EYS: variants seen among roughly 807,000 people sequenced by gnomAD.
EYS encodes EGF-like photoreceptor maintenance factor.
In EYS, 250 loss-of-function variants were observed where a neutral mutation model predicts 282.1. That is an observed-to-expected ratio of 0.89 (90% CI 0.80 to 0.98). The LOEUF (loss-of-function observed/expected upper bound fraction) is 0.98, where lower values mean the gene tolerates loss of function less well. Among genes scored for constraint, EYS ranks in the 50% least tolerant of loss-of-function variants. EYS has a pLI of 0.00. For missense variants in EYS, 4,016 were observed against 3,709.0 expected, an observed-to-expected ratio of 1.08 and a Z score of -2.15; for synonymous variants, 1,355 against 1,282.9, an observed-to-expected ratio of 1.06 and a Z score of -1.20.
rs146432779 is a variant in EYS, at chr6:64,272,304, G to T, written c.6191+34666C>A. Among the ~76,000 whole-genome samples, 33 of 152,232 alleles carry T rather than the reference G, an allele frequency of 2.2e-4. No individual in the cohort carries two copies. The East Asian group carries it at 6.0e-3, about 28-fold the overall frequency. On this transcript the variant is annotated intron_variant, in intron 30 of 42. Coordinates refer to ENST00000503581, the MANE Select transcript of EYS (RefSeq NM_001142800.2). ...AGGTTATTTTGTTATGTGTGAATTT[G>T]GTCCTGTCATTATGATGCTAGCTGG...
intron 32 of EYS, among the ~76,000 whole-genome samples, chr6:64,077,352 T>C (rs1771809042): frequency 6.6e-6 from 1 of 152,014 alleles, no homozygotes; most frequent in Admixed American, 6.6e-5. Flanking sequence ...CTAATGAAGA[T>C]GTTATATATT....
chr6:63,729,526 T>C (rs2149634007), intron 41 of EYS, among the ~76,000 whole-genome samples: 1 of 152,046 alleles, frequency 6.6e-6, no homozygotes, highest in South Asian at 2.1e-4. Flanking sequence ...TAGATTCTTT[T>C]TTTTTTTTCT....
At chr6:65,687,750 C>A (rs2149842145) in intron 1 of EYS, among the ~76,000 whole-genome samples, 1 of 152,256 alleles carries the variant, frequency 6.6e-6, no homozygotes, top group East Asian at 1.9e-4. Flanking sequence ...GATACAAAAT[C>A]AATGTGCAAA....
intron 5 of EYS, among the ~76,000 whole-genome samples, chr6:65,480,414 C>T (rs1159297328): frequency 1.3e-5 from 2 of 151,984 alleles, no homozygotes; most frequent in African/African-American, 4.8e-5. Flanking sequence ...ATTTCATTGA[C>T]ATTTTCATGA....
intron 29 of EYS, among the ~76,000 whole-genome samples, chr6:64,358,941 T>C (rs374448003): frequency 2.3e-4 from 35 of 151,654 alleles, no homozygotes; most frequent in African/African-American, 8.2e-4. Flanking sequence ...TATGCATGGG[T>C]TTCCCTTTCA....
intron 12 of EYS, among the ~76,000 whole-genome samples, chr6:65,230,024 T>C (rs494707): frequency 6.6e-6 from 1 of 151,606 alleles, no homozygotes; most frequent in Non-Finnish European, 1.5e-5. Context: ...AAGAAAACAA[T>C]GGCTGACAGA....
intron 31 of EYS, among the ~76,000 whole-genome samples, chr6:64,120,029 G>GT (rs150013542): frequency 0.048 from 7,334 of 152,018 alleles, 231 homozygotes; most frequent in Non-Finnish European, 0.071. Flanking sequence ...ATATTATTGT[G>GT]TTTTTTTAAG....
At chr6:65,464,293 CA>C (rs1415815492) in intron 5 of EYS, among the ~76,000 whole-genome samples, 1 of 152,072 alleles carries the variant, frequency 6.6e-6, no homozygotes, top group African/African-American at 2.4e-5. Flanking sequence ...TATACAACTA[CA>C]GGGGGTAGAT....
At chr6:64,018,859 CT>C in intron 33 of EYS, among the ~76,000 whole-genome samples, 1 of 145,384 alleles carries the variant, frequency 6.9e-6, no homozygotes, top group South Asian at 2.3e-4. Context: ...ACTGCAACCT[CT>C]GCTTCCTGGG....
chr6:64,792,086 A>G (rs1468043357), intron 22 of EYS, among the ~76,000 whole-genome samples: 1 of 151,806 alleles, frequency 6.6e-6, no homozygotes, highest in Non-Finnish European at 1.5e-5. Context: ...CCTTATAATG[A>G]CTGACTCAAT....
chr6:64,285,597 C>T (rs1768470437), intron 30 of EYS, among the ~76,000 whole-genome samples: 1 of 152,122 alleles, frequency 6.6e-6, no homozygotes, highest in African/African-American at 2.4e-5. Context: ...CAGCAGCACC[C>T]TACTCTACTG....
chr6:64,034,650 G>A (rs1441275127), intron 33 of EYS, among the ~76,000 whole-genome samples: 2 of 152,128 alleles, frequency 1.3e-5, no homozygotes, highest in African/African-American at 4.8e-5. Flanking sequence ...TGAAGCTTCC[G>A]AGGTGATTCC....
At chr6:65,300,424 T>A (rs181707157) in intron 11 of EYS, among the ~76,000 whole-genome samples, 66 of 152,200 alleles carry the variant, frequency 4.3e-4, no homozygotes, top group African/African-American at 1.5e-3. Flanking sequence ...GAAAACTATT[T>A]TTTTCTACCT....
At chr6:64,756,512 T>G (rs1367935339) in intron 22 of EYS, among the ~76,000 whole-genome samples, 4 of 152,198 alleles carry the variant, frequency 2.6e-5, no homozygotes, top group African/African-American at 9.6e-5. Context: ...ATTTAAGGTG[T>G]GCTGATTTAT....
At chr6:64,170,450 C>T (rs1240628790) in intron 31 of EYS, among the ~76,000 whole-genome samples, 1 of 152,100 alleles carries the variant, frequency 6.6e-6, no homozygotes. Flanking sequence ...CAAGGCCATA[C>T]CCCTTCTGAA....
At chr6:64,115,102 C>T (rs1773333266) in intron 31 of EYS, among the ~76,000 whole-genome samples, 1 of 152,196 alleles carries the variant, frequency 6.6e-6, no homozygotes, top group South Asian at 2.1e-4. Context: ...GGAGTGCCTA[C>T]ACCATGGACA....
chr6:64,098,109 T>G (rs1772695388), intron 31 of EYS, among the ~76,000 whole-genome samples: 1 of 152,308 alleles, frequency 6.6e-6, no homozygotes, highest in Non-Finnish European at 1.5e-5. Flanking sequence ...TGGAAAACTA[T>G]TTGGCAGTAT....
chr6:64,243,746 A>AT (rs1487607759), intron 30 of EYS, among the ~76,000 whole-genome samples: 2 of 152,130 alleles, frequency 1.3e-5, no homozygotes, highest in Admixed American at 6.5e-5. Flanking sequence ...ACAACAACAT[A>AT]TTTTTTCACA....
chr6:64,769,102 C>CT (rs1773446580), intron 22 of EYS, among the ~76,000 whole-genome samples: 1 of 152,000 alleles, frequency 6.6e-6, no homozygotes, highest in Non-Finnish European at 1.5e-5. Flanking sequence ...ACCTACATTA[C>CT]TTTTTTATCA....
Sources: gnomAD v4.1 joint callset for allele counts (sites outside exome capture counted in the v4.1 genomes callset) on GRCh38, gnomAD v4.1.1 for gene constraint, MANE v1.5 for transcripts, NCBI Gene and HGNC (gene_info 2026-07-23, HGNC 2026-07-21) for gene names.